Variants in HTT observed in about 807,000 individuals in gnomAD.
HTT encodes the protein huntingtin.
In HTT, 104 loss-of-function variants were observed where a neutral mutation model predicts 362.3. The ratio of observed to expected loss-of-function variants is 0.29; its 90% confidence interval spans 0.24 to 0.34. The LOEUF (loss-of-function observed/expected upper bound fraction) is 0.34, where lower values mean the gene tolerates loss of function less well. Ranked by LOEUF, HTT falls within the 10% of genes least tolerant of loss-of-function variation. The pLI is 1.00. For missense variants in HTT, 3,301 were observed against 3,928.6 expected, an observed-to-expected ratio of 0.84 and a Z score of 4.27; for synonymous variants, 1,577 against 1,548.7, an observed-to-expected ratio of 1.02 and a Z score of -0.43.
chr4:3,212,851 T>C (rs1421343619), intron 49 of HTT, 142 bp downstream of exon 49: 2 of 850,596 alleles, frequency 2.4e-6, no homozygotes, highest in African/African-American at 1.7e-5. Context: ...CAGTAAGTCT[T>C]GTCACCGTCA....
chr4:3,225,157 G>T lies in HTT; in HGVS notation c.7766-504G>T, dbSNP rs538157719. 7.9e-5 allele frequency among the ~76,000 whole-genome samples: 12 copies of T among 152,084 alleles called. No homozygotes were observed. In the East Asian group the frequency reaches 2.1e-3, roughly 27 times the overall value. On this transcript the variant is annotated intron_variant, in intron 56 of 66. Coordinates refer to ENST00000355072, the MANE Select transcript of HTT (RefSeq NM_001388492.1). Reference sequence around the variant, plus strand: ...ATGAGGAGGCTGGCCTGGGGCGTGGGGGGGTGTGAAAGGTTAAGTGGGGGC... The same window carrying T: ...ATGAGGAGGCTGGCCTGGGGCGTGGTGGGGTGTGAAAGGTTAAGTGGGGGC...
At chr4:3,216,942 G>A (rs991350866) in intron 51 of HTT, among the ~76,000 whole-genome samples, 15 of 150,764 alleles carry the variant, frequency 9.9e-5, no homozygotes, top group East Asian at 1.9e-4. Context: ...GGAGAATGGC[G>A]TGAACCCGGG....
rs1439362877 is a variant in HTT at position 3,243,110 on chromosome 4, G to A, written c.*3051G>A. 2 of 152,638 alleles carry A rather than the reference G, an allele frequency of 1.3e-5. No homozygotes were observed. The highest frequency in any genetic ancestry group is 6.5e-5 in the Admixed American group (1 of 15,284). 9.5% of individuals were successfully genotyped at this position (152,638 alleles called of 1,614,324 possible). A position where few individuals can be genotyped will look rare whatever the true frequency, so the allele number is the denominator to read the frequency against. On this transcript the variant is annotated 3_prime_UTR_variant, in exon 67 of 67. Coordinates refer to ENST00000355072, the MANE Select transcript of HTT (RefSeq NM_001388492.1). ...GAGCCAATGAACAGCTCCTCCTCTT[G>A]GAGCTGAGATGAGCCCCACGTGGAG... is the stretch of plus-strand genomic sequence containing the variant.
At chr4:3,210,013 G>A (rs1040161638) in intron 47 of HTT, 64 bp downstream of exon 47, 11 of 1,587,328 alleles carry the variant, frequency 6.9e-6, no homozygotes, top group African/African-American at 1.3e-5. Context: ...AGTGGGATTT[G>A]TCTCATCATC....
At chr4:3,215,725 A>G (rs1391822234) in intron 51 of HTT, among the ~76,000 whole-genome samples, 1 of 152,212 alleles carries the variant, frequency 6.6e-6, no homozygotes, top group African/African-American at 2.4e-5. Context: ...AAAAAAAAAA[A>G]ATCCAAATCC....
chr4:3,116,420 C>T lies in HTT; in HGVS notation c.1068+157C>T, dbSNP rs115998264. ...ACCCTAGGTGCTGACCTCTAGCTGT[C>T]TTCCCTCTGTATGTCCCTGTCACCG... On this transcript the variant is annotated intron_variant, in intron 8 of 66. Transcript: ENST00000355072. 7.1e-3 allele frequency among the ~76,000 whole-genome samples: 1,075 copies of T among 152,280 alleles called. 14 individuals are homozygous for T. Among genetic ancestry groups the T allele is most frequent in the African/African-American group, 0.024 (988 of 41,554 alleles).
At chr4:3,191,473 G>A (rs1455515424) in intron 40 of HTT, among the ~76,000 whole-genome samples, 2 of 152,062 alleles carry the variant, frequency 1.3e-5, no homozygotes, top group African/African-American at 2.4e-5. Flanking sequence ...CACCCGGCCC[G>A]AGCTTTCATT....
In HTT at chr4:3,121,220, G is replaced by C; in HGVS notation, c.1069-8G>C. The C allele has an allele frequency of 1.2e-6, 2 of 1,609,424 alleles. No individual in the cohort carries two copies. Among genetic ancestry groups the C allele is most frequent in the South Asian group, 1.1e-5 (1 of 90,970 alleles). The stretch of plus-strand genomic sequence containing the variant: ...CTGACCAGAACACCTGTGTTTCTCT[G>C]TTTCTAGGTTTATGAACTGACGTTA... On this transcript the variant is annotated splice_polypyrimidine_tract_variant and splice_region_variant and intron_variant, in intron 8 of 66. Transcript: ENST00000355072.
At chr4:3,199,200 C>T (rs979059920) in intron 40 of HTT, among the ~76,000 whole-genome samples, 6 of 152,262 alleles carry the variant, frequency 3.9e-5, no homozygotes, top group Admixed American at 2.0e-4. Flanking sequence ...ATGTGGAGGT[C>T]GACAGTGAGA....
At position 3,121,491 on chromosome 4, in the gene HTT, C is replaced by G. The variant is rs535844810; in HGVS notation, c.1273+59C>G. ...ACTTTGCAGTAATACTAGTTACACT[C>G]TATTGATTATGGGCCTGCCCTGTGC... On this transcript the variant is annotated intron_variant, in intron 9 of 66. Transcript: ENST00000355072. The G allele has an allele frequency of 6.6e-5, 78 of 1,180,636 alleles. 1 individual carries two copies. The African/African-American group carries it at 8.3e-4, about 13-fold the overall frequency. The allele number at this position is 1,180,636 out of a possible 1,614,324, so 73.1% of individuals were successfully genotyped here.
chr4:3,207,180 T>C (rs544806300), intron 44 of HTT, 101 bp from the exon 45 acceptor site: 7 of 1,150,946 alleles, frequency 6.1e-6, no homozygotes, highest in Admixed American at 4.0e-5. Flanking sequence ...CTGCCCTTAC[T>C]AGGATGAACT....
At position 3,074,966 on chromosome 4, in the gene HTT, GCCT is replaced by G. The variant is rs547233813; in HGVS notation, c.146_148del (p.Pro49del). 3 of 1,448,542 alleles carry G rather than the reference GCCT, an allele frequency of 2.1e-6. No homozygotes were observed. Among genetic ancestry groups the G allele is most frequent in the Non-Finnish European group, 2.7e-6 (3 of 1,096,274 alleles). The allele number at this position is 1,448,542 out of a possible 1,614,324, so 89.7% of individuals were successfully genotyped here. ...CGCCACCGCCGCCGCCGCCGCCGCCGCCTCCTCAGCTTCCTCAGCCGCCGCCGC... is the reference window on the plus strand; with the variant it reads ...CGCCACCGCCGCCGCCGCCGCCGCCGCCTCAGCTTCCTCAGCCGCCGCCGC... On this transcript the variant is annotated inframe_deletion, in exon 1 of 67. Coordinates refer to ENST00000355072, the MANE Select transcript of HTT (RefSeq NM_001388492.1).
chr4:3,083,236 T>C (rs1461488124), intron 1 of HTT, among the ~76,000 whole-genome samples: 1 of 152,078 alleles, frequency 6.6e-6, no homozygotes, highest in Admixed American at 6.6e-5. Context: ...AAAAGATCAT[T>C]TTGGCTGGGC....
chr4:3,185,563 T>C (rs2110245764), intron 37 of HTT, among the ~76,000 whole-genome samples: 1 of 152,318 alleles, frequency 6.6e-6, no homozygotes, highest in Non-Finnish European at 1.5e-5. Flanking sequence ...TAAGTAATGG[T>C]TGAACACACT....
intron 60 of HTT, among the ~76,000 whole-genome samples, 186 bp downstream of exon 60, chr4:3,230,228 C>T (rs1300254661): frequency 6.6e-6 from 1 of 152,212 alleles, no homozygotes; most frequent in African/African-American, 2.4e-5. Context: ...ACGGTCAGTG[C>T]CATTCACAGG....
chr4:3,134,526 A>G lies in HTT; in HGVS notation c.2619A>G (p.Ala873=), dbSNP rs2110191729. The G allele has an allele frequency of 6.2e-7, 1 of 1,613,348 alleles. No individual in the cohort carries two copies. ...LVRTELLETL[A]EIDFRLVSFL... ...GGACAGAGCTTCTGGAAACCCTTGC[A>G]GAGATTGACTTCAGGTAAGTGAGTC... Residue 873 remains alanine (A), a synonymous_variant, in exon 19 of 67, where the codon GCA becomes GCG. Coordinates refer to ENST00000355072, the MANE Select transcript of HTT (RefSeq NM_001388492.1).
At chr4:3,208,932 C>T (rs1363342674) in intron 46 of HTT, 21 bp downstream of exon 46, 40 of 1,601,084 alleles carry the variant, frequency 2.5e-5, no homozygotes, top group Non-Finnish European at 3.2e-5. Context: ...AGCGTGTCTG[C>T]ATGGGAGGCA....
intron 33 of HTT, among the ~76,000 whole-genome samples, chr4:3,177,022 T>A (rs541163883): frequency 5.3e-5 from 8 of 152,342 alleles, no homozygotes; most frequent in African/African-American, 1.9e-4. Flanking sequence ...TGTGCCACCC[T>A]ATCTGCCATT....
At chr4:3,182,148 A>G (rs959477089) in intron 36 of HTT, among the ~76,000 whole-genome samples, 2 of 152,196 alleles carry the variant, frequency 1.3e-5, no homozygotes, top group African/African-American at 4.8e-5. Flanking sequence ...TGTGCCCTAG[A>G]GGAACTTGTG....
Sources: allele counts gnomAD v4.1 joint callset (sites outside exome capture counted in the v4.1 genomes callset), GRCh38; gene constraint gnomAD v4.1.1; transcripts MANE v1.5; gene names NCBI Gene and HGNC (gene_info 2026-07-23, HGNC 2026-07-21).